RBFOX1: variants seen among roughly 807,000 people sequenced by gnomAD.
RBFOX1 encodes the protein RNA binding fox-1 homolog 1.
In RBFOX1, 8 loss-of-function variants were observed where a neutral mutation model predicts 57.7. The observed-to-expected ratio is 0.14, with a 90% CI of 0.08 to 0.25. The LOEUF is 0.25. Ranked by LOEUF, RBFOX1 falls within the 10% of genes least tolerant of loss-of-function variation. The pLI is 1.00. For missense variants in RBFOX1, 611 were observed against 548.5 expected (o/e 1.11, Z -1.14); for synonymous variants, 326 against 222.4 (o/e 1.47, Z -4.15).
intron 3 of RBFOX1, among the ~76,000 whole-genome samples, chr16:6,953,053 A>G (rs551413873): frequency 5.3e-5 from 8 of 152,272 alleles, no homozygotes; most frequent in African/African-American, 1.2e-4. Context: ...TATTATTTCT[A>G]TATTGCAGGT....
At chr16:7,298,766 A>G (rs577573683) in intron 4 of RBFOX1, among the ~76,000 whole-genome samples, 4 of 152,240 alleles carry the variant, frequency 2.6e-5, no homozygotes, top group Admixed American at 1.3e-4. Context: ...AAGAGAAAAC[A>G]TATTTACTAT....
At chr16:7,276,392 G>C (rs1391326854) in intron 4 of RBFOX1, among the ~76,000 whole-genome samples, 1 of 152,184 alleles carries the variant, frequency 6.6e-6, no homozygotes, top group African/African-American at 2.4e-5. Context: ...AACAAGGCTA[G>C]ACCCTGAAGA....
At chr16:6,042,989 C>T (rs1360936581) in intron 1 of RBFOX1, among the ~76,000 whole-genome samples, 1 of 151,588 alleles carries the variant, frequency 6.6e-6, no homozygotes, top group African/African-American at 2.4e-5. Context: ...TGGTGGCATG[C>T]ACCTGTAGTC....
intron 4 of RBFOX1, among the ~76,000 whole-genome samples, chr16:7,175,018 C>T (rs1443357855): frequency 6.6e-6 from 1 of 151,892 alleles, no homozygotes; most frequent in African/African-American, 2.4e-5. Flanking sequence ...AGCATCTTTT[C>T]AGGTGCATGA....
At chr16:5,711,375 A>G (rs976549297) in intron 3 of RBFOX1, among the ~76,000 whole-genome samples, 4 of 152,218 alleles carry the variant, frequency 2.6e-5, no homozygotes, top group African/African-American at 9.6e-5. Context: ...CTATAACCAT[A>G]TAGTCTTATT....
chr16:6,789,579 C>T (rs1338643950), intron 3 of RBFOX1, among the ~76,000 whole-genome samples: 3 of 152,166 alleles, frequency 2.0e-5, no homozygotes, highest in African/African-American at 7.2e-5. Flanking sequence ...TATCCATAGA[C>T]AGTGGGGACT....
At chr16:7,452,692 A>G (rs973928716) in intron 4 of RBFOX1, among the ~76,000 whole-genome samples, 3 of 152,236 alleles carry the variant, frequency 2.0e-5, no homozygotes, top group African/African-American at 7.2e-5. Flanking sequence ...TTTAGGCTAC[A>G]CTGCTTAAAA....
At chr16:7,144,417 C>CTTCTTTTTTTTTTTT (rs3046798) in intron 4 of RBFOX1, among the ~76,000 whole-genome samples, 27 of 66,922 alleles carry the variant, frequency 4.0e-4, no homozygotes, top group South Asian at 6.9e-4. Context: ...TTTCTTTCTT[C>CTTCTTTTTTTTTTTT]TTTTTTTTTT....
rs189263704 is a variant in RBFOX1 at position 6,847,526 on chromosome 16, G to T, written c.-16+192876G>T. On this transcript the variant is annotated intron_variant, in intron 3 of 15. Transcript: ENST00000550418. ...CGTTTTATTGGCCAAAGCATGATAC[G>T]CAACTGATGGCACAGTCAAGGTGTA... Among the ~76,000 whole-genome samples the T allele has an allele frequency of 3.7e-4, 57 of 152,212 alleles. No homozygotes were observed. The East Asian group carries it at 5.6e-3, about 15-fold the overall frequency.
intron 4 of RBFOX1, among the ~76,000 whole-genome samples, chr16:5,965,597 G>A (rs550336775): frequency 6.6e-6 from 1 of 152,248 alleles, no homozygotes; most frequent in African/African-American, 2.4e-5. Flanking sequence ...CATTTTTAAT[G>A]ACTGGCACCA....
intron 3 of RBFOX1, among the ~76,000 whole-genome samples, chr16:6,935,945 G>A (rs956460297): frequency 1.3e-5 from 2 of 152,208 alleles, no homozygotes; most frequent in African/African-American, 4.8e-5. Context: ...GTGCCGATGT[G>A]TGAATATGTC....
At position 7,265,369 on chromosome 16, in the gene RBFOX1, G is replaced by T. The variant is rs1045634244; in HGVS notation, c.27+213271G>T. On this transcript the variant is annotated intron_variant, in intron 4 of 15. Coordinates refer to ENST00000550418, the MANE Select transcript of RBFOX1 (RefSeq NM_018723.4). ...AGAGAGAGGGAGAGGAAAGAAGTGG[G>T]TGTGGAGGGAAGATGTCTTTTCTTT... is the stretch of plus-strand genomic sequence containing the variant. Among the ~76,000 whole-genome samples, 3 of 152,146 alleles carry T rather than the reference G, an allele frequency of 2.0e-5. No individual in the cohort carries two copies. In the East Asian group the frequency reaches 5.8e-4, roughly 29 times the overall value.
intron 6 of RBFOX1, among the ~76,000 whole-genome samples, chr16:7,580,548 G>T (rs1047559840): frequency 6.6e-6 from 1 of 152,130 alleles, no homozygotes; most frequent in Non-Finnish European, 1.5e-5. Context: ...TACTTACTGT[G>T]GTGCTATATG....
intron 3 of RBFOX1, among the ~76,000 whole-genome samples, chr16:6,765,469 A>G (rs2077197469): frequency 6.6e-6 from 1 of 152,162 alleles, no homozygotes; most frequent in South Asian, 2.1e-4. Context: ...TGTGGAACAT[A>G]CCCCTATAAC....
chr16:7,287,089 A>G (rs1249862803), intron 4 of RBFOX1, among the ~76,000 whole-genome samples: 2 of 152,210 alleles, frequency 1.3e-5, no homozygotes, highest in African/African-American at 2.4e-5. Flanking sequence ...CAAGATCATT[A>G]TGGTCCCAGA....
chr16:5,980,424 G>T (rs187406110), intron 4 of RBFOX1, among the ~76,000 whole-genome samples: 54 of 152,290 alleles, frequency 3.5e-4, no homozygotes, highest in African/African-American at 1.3e-3. Flanking sequence ...GAGCTTCAGG[G>T]TGTCTCAGGA....
intron 1 of RBFOX1, among the ~76,000 whole-genome samples, chr16:5,374,049 C>G (rs1301414072): frequency 2.0e-5 from 3 of 152,248 alleles, no homozygotes; most frequent in Non-Finnish European, 2.9e-5. Context: ...TCCTGAGTAG[C>G]TGCGATTACA....
intron 4 of RBFOX1, among the ~76,000 whole-genome samples, chr16:5,952,758 T>C (rs908711652): frequency 6.6e-6 from 1 of 152,146 alleles, no homozygotes; most frequent in East Asian, 1.9e-4. Flanking sequence ...ACAGAAATGA[T>C]TTGTGTGGGT....
At chr16:5,761,897 C>A (rs910820134) in intron 3 of RBFOX1, among the ~76,000 whole-genome samples, 1 of 152,094 alleles carries the variant, frequency 6.6e-6, no homozygotes, top group Middle Eastern at 3.2e-3. Context: ...ACACAGCTTC[C>A]CCTGACCCCT....
Sources: allele counts gnomAD v4.1 joint callset (sites outside exome capture counted in the v4.1 genomes callset), GRCh38; gene constraint gnomAD v4.1.1; transcripts MANE v1.5; gene names NCBI Gene and HGNC (gene_info 2026-07-23, HGNC 2026-07-21).